Variants in GOLGA6C observed in about 807,000 individuals in gnomAD.
GOLGA6C encodes golgin subfamily A member 6C.
Under a neutral mutation model 57.5 loss-of-function variants are expected in GOLGA6C, and 3 were observed. That is an observed-to-expected ratio of 0.05 (90% confidence interval 0.02 to 0.13). The LOEUF (loss-of-function observed/expected upper bound fraction) is 0.13. Ranked by LOEUF, GOLGA6C falls within the 10% of genes least tolerant of loss-of-function variation. The pLI is 1.00. For synonymous variants in GOLGA6C, 32 were observed against 203.8 expected, an observed-to-expected ratio of 0.16 and a Z score of 7.18; for missense variants, 88 against 525.6, an observed-to-expected ratio of 0.17 and a Z score of 8.14.
intron 1 of GOLGA6C, among the ~76,000 whole-genome samples, chr15:75,259,062 C>T (rs1283290101): frequency 2.6e-5 from 4 of 151,364 alleles, no homozygotes; most frequent in African/African-American, 4.9e-5. Context: ...TGACTTTGGG[C>T]TGGTGACTCC....
rs1163256588 is a variant in GOLGA6C, at chr15:75,273,218, A to G, written c.*3019A>G. On this transcript the variant is annotated 3_prime_UTR_variant, in exon 18 of 18. Coordinates refer to ENST00000300576, the MANE Select transcript of GOLGA6C (RefSeq NM_001164404.2). ...GAAATAAGTTAAAACACTTTAAAAT[A>G]TGAATACTGTAGTTTGAAAGAAAGA... Among the ~76,000 whole-genome samples the G allele has an allele frequency of 6.6e-6, 1 of 152,132 alleles. No individual in the cohort carries two copies. The highest frequency in any genetic ancestry group is 2.4e-5 in the African/African-American group (1 of 41,358).
rs2141634657 is a variant in GOLGA6C at position 75,269,450 on chromosome 15, CAG to C, written c.1594_1595del. 2 of 1,263,550 alleles carry C rather than the reference CAG, an allele frequency of 1.6e-6. No homozygotes were observed. The highest frequency in any genetic ancestry group is 2.3e-6 in the Non-Finnish European group (2 of 888,476). 78.3% of individuals were successfully genotyped at this position (1,263,550 alleles called of 1,614,324 possible). A position where few individuals can be genotyped will look rare whatever the true frequency, so the allele number is the denominator to read the frequency against. ...AGGTGTGACCCCATTATTTTGGCTC[CAG>C]AGCAGCTTTATGGACCTCCCGAAGG... is the stretch of plus-strand genomic sequence containing the variant. On this transcript the variant is annotated splice_acceptor_variant, in intron 14 of 17. Coordinates refer to ENST00000300576, the MANE Select transcript of GOLGA6C (RefSeq NM_001164404.2). LOFTEE classifies it high-confidence loss of function.
chr15:75,259,459 G>A (rs1433014073), intron 1 of GOLGA6C, among the ~76,000 whole-genome samples: 70 of 69,536 alleles, frequency 1.0e-3, no homozygotes, highest in African/African-American at 4.6e-3. Flanking sequence ...CATAGACATC[G>A]ACAGTGTGAA....
At chr15:75,269,289 C>T (rs1368907675) in intron 14 of GOLGA6C, among the ~76,000 whole-genome samples, 164 bp from the exon 15 acceptor site, 2 of 144,514 alleles carry the variant, frequency 1.4e-5, no homozygotes, top group African/African-American at 5.3e-5. Context: ...AGGCCCCAGC[C>T]CCAGGGAGGA....
chr15:75,270,197 T>C lies in GOLGA6C; in HGVS notation c.2080T>C (p.Ter694GlnextTer29), dbSNP rs750733547. The C allele has an allele frequency of 6.3e-7, 1 of 1,592,990 alleles. No individual in the cohort carries two copies. The change falls in exon 18 of 18, where the codon TAG becomes CAG. Residue 694 changes from the stop codon to glutamine, a stop_lost. Coordinates refer to ENST00000300576, the MANE Select transcript of GOLGA6C (RefSeq NM_001164404.2). ...GCTGTCTCCTGTCATGCAGGACACC[T>C]AGGAGCACCCAGGCTTGCCCAGCAA... ...VQLSPVMQDT[*>Q]
Position 75,273,097 on chromosome 15 carries a change from C to T in GOLGA6C, c.*2898C>T, listed in dbSNP as rs1160422094. Among the ~76,000 whole-genome samples the T allele has an allele frequency of 4.6e-5, 7 of 152,130 alleles. No individual in the cohort carries two copies. The East Asian group carries it at 9.7e-4, about 21-fold the overall frequency. ...TAGAAAATGTGAAAATATAAATCAG[C>T]CCTATGCATAATATAGTTTCTCTAA... is the stretch of plus-strand genomic sequence containing the variant. On this transcript the variant is annotated 3_prime_UTR_variant, in exon 18 of 18. Coordinates refer to ENST00000300576, the MANE Select transcript of GOLGA6C (RefSeq NM_001164404.2).
At chr15:75,260,325 G>T in intron 1 of GOLGA6C, 48 bp from the exon 2 acceptor site, 2 of 1,598,670 alleles carry the variant, frequency 1.3e-6, no homozygotes. Flanking sequence ...GGGTGTGGCT[G>T]TAAGGGCTGG....
At position 75,270,230 on chromosome 15, in the gene GOLGA6C, G is replaced by A. The variant is rs556162598; in HGVS notation, c.*31G>A. 3.0e-4 allele frequency: 482 copies of A among 1,585,096 alleles called. 24 individuals are homozygous for A. The African/African-American group carries it at 3.5e-3, about 11-fold the overall frequency. On this transcript the variant is annotated 3_prime_UTR_variant, in exon 18 of 18. Coordinates refer to ENST00000300576, the MANE Select transcript of GOLGA6C (RefSeq NM_001164404.2). ...CCCAGGCTTGCCCAGCAAACCCTGC[G>A]TGCCATTCTTCTACCAGGCAGCCGA... is the stretch of plus-strand genomic sequence containing the variant.
rs2070737343 is a variant in GOLGA6C at position 75,261,793 on chromosome 15, G to T, written c.205-619G>T. On this transcript the variant is annotated intron_variant, in intron 2 of 17. Coordinates refer to ENST00000300576, the MANE Select transcript of GOLGA6C (RefSeq NM_001164404.2). The stretch of plus-strand genomic sequence containing the variant: ...AATCTGGGAATAACGTACAGAGCAG[G>T]CATGTGGGATTTGGGCTCTTTTTTT... Among the ~76,000 whole-genome samples the T allele has an allele frequency of 3.9e-5, 2 of 51,560 alleles. 1 individual carries two copies. The highest frequency in any genetic ancestry group is 1.8e-3 in the South Asian group (2 of 1,116). 33.8% of individuals were successfully genotyped at this position (51,560 alleles called of 152,430 possible).
At position 75,269,951 on chromosome 15, in the gene GOLGA6C, C is replaced by T. The variant is rs2070778935; in HGVS notation, c.1920C>T (p.Ala640=). Residue 640 remains alanine, a synonymous_variant, in exon 17 of 18, where the codon GCC becomes GCT. Transcript: ENST00000300576. ...PADEPTPGAP[A]PQELGAAGEQ... ...ATGAGCCCACTCCAGGGGCCCCAGC[C>T]CCCCAGGAACTTGGGGCTGCCGGTG... 1 of 1,535,872 alleles carries T rather than the reference C, an allele frequency of 6.5e-7. No homozygotes were observed. Among genetic ancestry groups the T allele is most frequent in the Non-Finnish European group, 8.7e-7 (1 of 1,148,912 alleles).
Position 75,260,449 on chromosome 15 carries a change from G to A in GOLGA6C, c.161G>A (p.Ser54Asn), listed in dbSNP as rs2070730399. 1.9e-6 allele frequency: 3 copies of A among 1,562,876 alleles called. No homozygotes were observed. The East Asian group carries it at 6.8e-5, about 36-fold the overall frequency. ...ACAAAAAAGAAAAAAACTGACAGTA[G>A]CCCTGAGACAACCACTTCCGGTGGT... ...AKTKKKKTDSSPETTTSGGGH... is the reference protein window; with the variant it reads ...AKTKKKKTDSNPETTTSGGGH... The change falls in exon 2 of 18, where the codon AGC (serine) becomes AAC (asparagine). Residue 54 changes from serine to asparagine, a missense_variant. By Grantham distance (46) the Ser-to-Asn change is conservative (BLOSUM62 1). Transcript: ENST00000300576.
intron 1 of GOLGA6C, among the ~76,000 whole-genome samples, chr15:75,259,496 A>G (rs2070725644): frequency 4.9e-5 from 2 of 40,858 alleles, no homozygotes. Context: ...TGTGAGCTCA[A>G]AACGTTGACA....
In GOLGA6C at chr15:75,260,426, A is replaced by G. The variant is rs1385851149; in HGVS notation, c.138A>G (p.Thr46=). 3 of 1,579,666 alleles carry G rather than the reference A, an allele frequency of 1.9e-6. No homozygotes were observed. The highest frequency in any genetic ancestry group is 2.2e-5 in the South Asian group (2 of 89,134). The change falls in exon 2 of 18, where the codon ACA becomes ACG. Residue 46 remains threonine (T), a synonymous_variant. Coordinates refer to ENST00000300576, the MANE Select transcript of GOLGA6C (RefSeq NM_001164404.2). ...CTGGTATTCCAGCAGGAGCAAAGAC[A>G]AAAAAGAAAAAAACTGACAGTAGCC... The part of the protein sequence containing the change: ...KSPGIPAGAK[T]KKKKTDSSPE...
At chr15:75,264,442 GT>G (rs1567163543) in intron 7 of GOLGA6C, among the ~76,000 whole-genome samples, 466 of 31,098 alleles carry the variant, frequency 0.015, 20 homozygotes, top group African/African-American at 0.053. Flanking sequence ...GGAAAGGGGT[GT>G]GTGTGTGTGT....
rs2070741747 is a variant in GOLGA6C, at chr15:75,263,628, CT to C, written c.325-19del. The C allele has an allele frequency of 1.1e-5, 8 of 742,138 alleles. No individual in the cohort carries two copies. The highest frequency in any genetic ancestry group is 2.2e-5 in the Admixed American group (1 of 44,488). 46.0% of individuals were successfully genotyped at this position (742,138 alleles called of 1,614,324 possible). On this transcript the variant is annotated intron_variant, in intron 4 of 17. Transcript: ENST00000300576. Reference sequence around the variant, plus strand: ...TCTCTGCCTCCCTGTGATAAGAGCTCTGTCTTCCTCTTCCTACAGGCAAAGA... The same window carrying C: ...TCTCTGCCTCCCTGTGATAAGAGCTCGTCTTCCTCTTCCTACAGGCAAAGA...
chr15:75,270,095 A>T lies in GOLGA6C; in HGVS notation c.1978A>T (p.Asn660Tyr). Residue 660 changes from asparagine to tyrosine, a missense_variant, in exon 18 of 18, where the codon AAC (asparagine) becomes TAC (tyrosine). Transcript: ENST00000300576. ...AGATTTTTATGAAGTGAGCCTGGAC[A>T]ACAACGTGGAGCCTGCACCAGGAGC... Reference protein sequence around the residue: ...QDDFYEVSLDNNVEPAPGAAR... With the variant: ...QDDFYEVSLDYNVEPAPGAAR... 1 of 1,603,544 alleles carries T rather than the reference A, an allele frequency of 6.2e-7. No homozygotes were observed. Among genetic ancestry groups the T allele is most frequent in the Non-Finnish European group, 8.5e-7 (1 of 1,176,786 alleles).
At position 75,272,968 on chromosome 15, in the gene GOLGA6C, T is replaced by C. The variant is rs1364394530; in HGVS notation, c.*2769T>C. On this transcript the variant is annotated 3_prime_UTR_variant, in exon 18 of 18. Transcript: ENST00000300576. ...TCTGTAGGAAGTAAAGAATTAAAAA[T>C]CTATTTAAAGATTGCAATATATAAT... Among the ~76,000 whole-genome samples the C allele has an allele frequency of 4.6e-5, 7 of 152,050 alleles. No individual in the cohort carries two copies. Among genetic ancestry groups the C allele is most frequent in the Non-Finnish European group, 8.8e-5 (6 of 67,976 alleles).
rs2070798669 is a variant in GOLGA6C at position 75,273,198 on chromosome 15, A to C, written c.*2999A>C. ...AACTGCTATCTTAATGTTTTGAAAT[A>C]AGTTAAAACACTTTAAAATATGAAT... On this transcript the variant is annotated 3_prime_UTR_variant, in exon 18 of 18. Coordinates refer to ENST00000300576, the MANE Select transcript of GOLGA6C (RefSeq NM_001164404.2). Among the ~76,000 whole-genome samples, 1 of 152,256 alleles carries C rather than the reference A, an allele frequency of 6.6e-6. No homozygotes were observed. Among genetic ancestry groups the C allele is most frequent in the South Asian group, 2.1e-4 (1 of 4,828 alleles).
intron 1 of GOLGA6C, 50 bp downstream of exon 1, chr15:75,258,732 C>T (rs1201102723): frequency 1.8e-6 from 1 of 569,010 alleles, no homozygotes; most frequent in Admixed American, 3.1e-5. Context: ...CCAGAGATCC[C>T]CTCTGATGAC....
Sources: allele counts gnomAD v4.1 joint callset (sites outside exome capture counted in the v4.1 genomes callset), GRCh38; gene constraint gnomAD v4.1.1; transcripts MANE v1.5; gene names NCBI Gene and HGNC (gene_info 2026-07-23, HGNC 2026-07-21).